The following EZR variants were observed in gnomAD, a reference collection of about 807,000 sequenced individuals.
The protein encoded by EZR is cytovillin 2.
A neutral mutation model predicts 74.8 loss-of-function variants in EZR; 40 were observed. The observed-to-expected ratio is 0.53, with a 90% CI of 0.42 to 0.70. The LOEUF (loss-of-function observed/expected upper bound fraction) is 0.70, where lower values mean the gene tolerates loss of function less well. EZR is among the 30% of genes least tolerant of loss of function. The pLI is 0.00. For missense variants in EZR, 678 were observed against 755.8 expected (o/e 0.90, Z 1.21); for synonymous variants, 341 against 283.3 (o/e 1.20, Z -2.05).
At chr6:158,819,194 C>CCGCGCCGCGCCCCCTAGGCTG (rs1777636316) in intron 1 of EZR, 123 bp downstream of exon 1, 1 of 151,492 alleles carries the variant, frequency 6.6e-6, no homozygotes, top group Non-Finnish European at 1.5e-5. Flanking sequence ...GGCGAGAACC[C>CCGCGCCGCGCCCCCTAGGCTG]CGCGCCGCGC....
chr6:158,770,060 G>T (rs2128565141), intron 10 of EZR, 116 bp from the exon 11 acceptor site: 1 of 1,375,912 alleles, frequency 7.3e-7, no homozygotes, highest in East Asian at 2.4e-5. Context: ...CAGGTTGAGG[G>T]GATGTCTTCC....
chr6:158,786,137 G>A (rs1342182433), intron 4 of EZR, among the ~76,000 whole-genome samples: 9 of 152,156 alleles, frequency 5.9e-5, no homozygotes, highest in Admixed American at 5.2e-4. Flanking sequence ...ACTTTGGGAG[G>A]CTGAGGTGGG....
intron 2 of EZR, among the ~76,000 whole-genome samples, chr6:158,795,586 C>G (rs1777053532): frequency 1.3e-5 from 2 of 152,306 alleles, no homozygotes; most frequent in East Asian, 3.9e-4. Context: ...TCCACAAATA[C>G]CAATTAACTA....
In EZR at chr6:158,818,133, G is replaced by A. The variant is rs756965556; in HGVS notation, c.-40C>T. On this transcript the variant is annotated 5_prime_UTR_variant, in exon 2 of 14. Transcript: ENST00000367075. ...GAGTATCCTCGATCCCCGAAAACAC[G>A]ACTATCCAGCAGCAGCGAAGACGCT... 1 of 1,606,204 alleles carries A rather than the reference G, an allele frequency of 6.2e-7. No homozygotes were observed. The highest frequency in any genetic ancestry group is 1.7e-5 in the Admixed American group (1 of 59,786).
chr6:158,789,605 C>G, intron 2 of EZR: 1 of 658,188 alleles, frequency 1.5e-6, no homozygotes, highest in Non-Finnish European at 2.8e-6. Flanking sequence ...AGCACACTGA[C>G]ACTTAGGTCT....
intron 2 of EZR, among the ~76,000 whole-genome samples, chr6:158,808,081 A>G (rs1356716028): frequency 6.6e-6 from 1 of 152,214 alleles, no homozygotes; most frequent in Non-Finnish European, 1.5e-5. Flanking sequence ...GAATGAATGA[A>G]CTTTATGCAG....
At chr6:158,778,380 T>C (rs555763884) in intron 7 of EZR, among the ~76,000 whole-genome samples, 12 of 152,298 alleles carry the variant, frequency 7.9e-5, no homozygotes, top group African/African-American at 2.2e-4. Flanking sequence ...CATATAACAA[T>C]TCATAGCCAC....
chr6:158,800,925 A>T (rs1259468386), intron 2 of EZR, among the ~76,000 whole-genome samples: 1 of 152,192 alleles, frequency 6.6e-6, no homozygotes, highest in Non-Finnish European at 1.5e-5. Flanking sequence ...ATACCTGATT[A>T]TTTTATATGA....
chr6:158,796,076 C>T (rs1777064238), intron 2 of EZR, among the ~76,000 whole-genome samples: 1 of 152,194 alleles, frequency 6.6e-6, no homozygotes, highest in African/African-American at 2.4e-5. Flanking sequence ...GGTCTCCCTC[C>T]TTAGGGGACA....
chr6:158,775,860 T>C (rs1483953804), intron 8 of EZR, among the ~76,000 whole-genome samples: 1 of 152,228 alleles, frequency 6.6e-6, no homozygotes, highest in Admixed American at 6.5e-5. Context: ...TTTCAGGACA[T>C]AAAGTGTCGC....
At position 158,767,058 on chromosome 6, in the gene EZR, G is replaced by A. The variant is rs760384003; in HGVS notation, c.1617C>T (p.Ser539=). ...RQLLTLSSEL[S]QARDENKRTH... ...TCCTCTTATTCTCATCTCGGGCCTGGGACAGCTCGCTGCTCAGCGTCTGTA... is the reference window on the plus strand; with the variant it reads ...TCCTCTTATTCTCATCTCGGGCCTGAGACAGCTCGCTGCTCAGCGTCTGTA... Residue 539 remains serine, a synonymous_variant, in exon 14 of 14, where the codon TCC becomes TCT. Transcript: ENST00000367075. 6.2e-7 allele frequency: 1 copy of A among 1,614,164 alleles called. No individual in the cohort carries two copies. The highest frequency in any genetic ancestry group is 8.5e-7 in the Non-Finnish European group (1 of 1,180,034).
At chr6:158,805,673 T>C (rs1388934520) in intron 2 of EZR, among the ~76,000 whole-genome samples, 12 of 152,136 alleles carry the variant, frequency 7.9e-5, no homozygotes, top group African/African-American at 2.7e-4. Flanking sequence ...ACTTTTAAAA[T>C]CACCATTTCT....
intron 8 of EZR, among the ~76,000 whole-genome samples, chr6:158,774,937 T>TG (rs1308324790): frequency 6.6e-6 from 1 of 151,872 alleles, no homozygotes; most frequent in East Asian, 1.9e-4. Flanking sequence ...ACTGCTGCCA[T>TG]GGAGCCTTAG....
At chr6:158,782,563 C>T (rs1329922343) in intron 7 of EZR, among the ~76,000 whole-genome samples, 1 of 152,192 alleles carries the variant, frequency 6.6e-6, no homozygotes, top group Non-Finnish European at 1.5e-5. Context: ...GGAACCCAGG[C>T]CAAAAGGCAG....
Position 158,765,893 on chromosome 6 carries a change from A to G in EZR, c.*1021T>C, listed in dbSNP as rs1055725556. Reference sequence around the variant, plus strand: ...ACAAGCTGCCTTCCAGCAGCCTGCCAAGGCCATGGCAGAGAGAGACTGCAA... The same window carrying G: ...ACAAGCTGCCTTCCAGCAGCCTGCCGAGGCCATGGCAGAGAGAGACTGCAA... On this transcript the variant is annotated 3_prime_UTR_variant, in exon 14 of 14. Transcript: ENST00000367075. 1 of 148,660 alleles carries G rather than the reference A, an allele frequency of 6.7e-6. No individual in the cohort carries two copies. Among genetic ancestry groups the G allele is most frequent in the African/African-American group, 2.5e-5 (1 of 40,374 alleles). The allele number at this position is 148,660 out of a possible 1,614,324, so 9.2% of individuals were successfully genotyped here. A position where few individuals can be genotyped will look rare whatever the true frequency, so the allele number is the denominator to read the frequency against.
chr6:158,793,546 T>G (rs1292745205), intron 2 of EZR, among the ~76,000 whole-genome samples: 1 of 152,218 alleles, frequency 6.6e-6, no homozygotes, highest in Non-Finnish European at 1.5e-5. Context: ...TGTCTGTTAC[T>G]TGATTAGTCA....
At chr6:158,787,015 A>G in intron 4 of EZR, 93 bp downstream of exon 4, 1 of 1,035,820 alleles carries the variant, frequency 9.7e-7, no homozygotes, top group Non-Finnish European at 1.5e-6. Flanking sequence ...AAGGAACAGA[A>G]AACAAAAGAC....
chr6:158,784,602 C>G (rs1791519871), intron 6 of EZR, 42 bp downstream of exon 6: 1 of 1,549,264 alleles, frequency 6.5e-7, no homozygotes, highest in Non-Finnish European at 8.9e-7. Flanking sequence ...TGCTGGAGCG[C>G]ACGGAGATGG....
chr6:158,771,168 C>A lies in EZR; in HGVS notation c.959+76G>T. 2.0e-6 allele frequency: 3 copies of A among 1,480,554 alleles called. No individual in the cohort carries two copies. The South Asian group carries it at 3.9e-5, about 19-fold the overall frequency. 91.7% of individuals were successfully genotyped at this position (1,480,554 alleles called of 1,614,324 possible). On this transcript the variant is annotated intron_variant, in intron 9 of 13. Transcript: ENST00000367075. The stretch of plus-strand genomic sequence containing the variant: ...ACACTCTCCCCATCAGCTCCACAGT[C>A]ACCTGACAGGCACTGGCTGCCAGTG...
Sources: allele counts gnomAD v4.1 joint callset (sites outside exome capture counted in the v4.1 genomes callset), GRCh38; gene constraint gnomAD v4.1.1; transcripts MANE v1.5; gene names NCBI Gene and HGNC (gene_info 2026-07-23, HGNC 2026-07-21).